The following GABRA3 variants were observed in gnomAD, a reference collection of about 807,000 sequenced individuals.
The protein encoded by GABRA3 is gamma-aminobutyric acid receptor subunit alpha-3.
Under a neutral mutation model 30.1 loss-of-function variants are expected in GABRA3, and 10 were observed. The observed-to-expected ratio is 0.33, with a 90% CI of 0.20 to 0.56. The LOEUF (loss-of-function observed/expected upper bound fraction) is 0.56. Among genes scored for constraint, GABRA3 ranks in the 20% least tolerant of loss-of-function variants. The pLI, the probability that GABRA3 is intolerant of heterozygous loss-of-function variation, is 0.89. For synonymous variants in GABRA3, 151 were observed against 146.8 expected, an observed-to-expected ratio of 1.03 and a Z score of -0.21; for missense variants, 233 against 392.0, an observed-to-expected ratio of 0.59 and a Z score of 3.42.
intron 7 of GABRA3, among the ~76,000 whole-genome samples, chrX:152,202,106 T>C (rs1937491714): frequency 9.0e-6 from 1 of 111,710 alleles, no homozygotes; most frequent in South Asian, 3.7e-4. Context: ...ATTTAATACA[T>C]GTTTGAATCT....
At chrX:152,347,656 T>C (rs1178686378) in intron 2 of GABRA3, among the ~76,000 whole-genome samples, 2 of 111,664 alleles carry the variant, frequency 1.8e-5, no homozygotes, top group African/African-American at 6.5e-5. Flanking sequence ...AAATCCTGAA[T>C]AGAAGGCCAA....
At chrX:152,263,487 T>C (rs760484800) in intron 4 of GABRA3, among the ~76,000 whole-genome samples, 26 of 110,002 alleles carry the variant, frequency 2.4e-4, no homozygotes, top group Non-Finnish European at 4.2e-4. Flanking sequence ...GAAGAAATAA[T>C]TATTGAGCCT....
intron 2 of GABRA3, among the ~76,000 whole-genome samples, chrX:152,352,614 GA>G (rs1940494866): frequency 9.0e-6 from 1 of 111,516 alleles, no homozygotes; most frequent in Non-Finnish European, 1.9e-5. Context: ...TCCCAAAGAG[GA>G]AAGATACTTA....
At chrX:152,407,080 G>C (rs1929955594) in intron 1 of GABRA3, among the ~76,000 whole-genome samples, 2 of 111,076 alleles carry the variant, frequency 1.8e-5, no homozygotes, top group Non-Finnish European at 3.8e-5. Flanking sequence ...AAAGCCTATG[G>C]GGCAATACAA....
chrX:152,169,153 C>T (rs1405481595), intron 9 of GABRA3, among the ~76,000 whole-genome samples: 4 of 112,245 alleles, frequency 3.6e-5, no homozygotes, highest in Non-Finnish European at 7.5e-5. Flanking sequence ...TCCAGAAGGC[C>T]GTGACCATCA....
At chrX:152,427,837 T>C (rs1401493531) in intron 1 of GABRA3, among the ~76,000 whole-genome samples, 2 of 111,619 alleles carry the variant, frequency 1.8e-5, no homozygotes, top group African/African-American at 6.5e-5. Context: ...AATTTGAATT[T>C]ATCTGAGTTC....
At chrX:152,235,097 C>T (rs183584329) in intron 5 of GABRA3, among the ~76,000 whole-genome samples, 2 of 111,933 alleles carry the variant, frequency 1.8e-5, no homozygotes, top group Admixed American at 1.9e-4. Flanking sequence ...TCTTCCAATG[C>T]ATAAGCCTGG....
At chrX:152,275,181 T>A (rs1271249408) in intron 4 of GABRA3, among the ~76,000 whole-genome samples, 4 of 75,341 alleles carry the variant, frequency 5.3e-5, no homozygotes, top group East Asian at 3.8e-4. Context: ...TTATATATAT[T>A]TAATATTATA....
At chrX:152,319,024 G>A (rs1225009237) in intron 3 of GABRA3, among the ~76,000 whole-genome samples, 3 of 111,391 alleles carry the variant, frequency 2.7e-5, no homozygotes, top group East Asian at 2.8e-4. Context: ...CATCAAAATC[G>A]GTAAAGAGGA....
At chrX:152,241,775 C>T (rs974079457) in intron 5 of GABRA3, among the ~76,000 whole-genome samples, 3 of 110,406 alleles carry the variant, frequency 2.7e-5, no homozygotes, top group South Asian at 8.0e-4. Flanking sequence ...TTTCCAGGTG[C>T]GTCCGTCACC....
At chrX:152,439,781 G>A (rs192219572) in intron 1 of GABRA3, among the ~76,000 whole-genome samples, 1 of 111,716 alleles carries the variant, frequency 9.0e-6, no homozygotes, top group East Asian at 2.8e-4. Context: ...GCAAAAACAT[G>A]GATGAATCCT....
rs747335971 is a variant in GABRA3 at position 152,270,258 on chromosome X, C to T, written c.331-14260G>A. ...CTGATGGTTTTATAAGAGGCTTTCC[C>T]CCCCTTTACTTGACACTTCTCTCTT... On this transcript the variant is annotated intron_variant, in intron 4 of 9. Transcript: ENST00000370314. Among the ~76,000 whole-genome samples, 23 of 111,110 alleles carry T rather than the reference C, an allele frequency of 2.1e-4. No individual in the cohort carries two copies. The East Asian group carries it at 6.6e-3, about 32-fold the overall frequency.
chrX:152,362,812 T>C (rs1928546025), intron 2 of GABRA3, among the ~76,000 whole-genome samples: 2 of 112,051 alleles, frequency 1.8e-5, no homozygotes, highest in African/African-American at 6.5e-5. Flanking sequence ...TCCAAGTTTC[T>C]GACTTGAGCA....
chrX:152,188,504 G>A (rs1037986654), intron 9 of GABRA3, among the ~76,000 whole-genome samples: 5 of 110,180 alleles, frequency 4.5e-5, no homozygotes, highest in African/African-American at 1.7e-4. Context: ...CTGGGTGGGG[G>A]GCTAACAGAC....
At chrX:152,272,153 G>C (rs914709602) in intron 4 of GABRA3, among the ~76,000 whole-genome samples, 4 of 111,680 alleles carry the variant, frequency 3.6e-5, no homozygotes, top group African/African-American at 9.8e-5. Context: ...CAGAATGGTA[G>C]ATCCATGGAC....
At chrX:152,199,645 C>T (rs1937452544) in intron 7 of GABRA3, among the ~76,000 whole-genome samples, 1 of 111,095 alleles carries the variant, frequency 9.0e-6, no homozygotes. Flanking sequence ...ATATATTAGA[C>T]ATCACTACTT....
intron 1 of GABRA3, among the ~76,000 whole-genome samples, chrX:152,432,511 T>G (rs766549403): frequency 1.8e-5 from 2 of 110,942 alleles, no homozygotes; most frequent in Non-Finnish European, 3.8e-5. Context: ...GTTCAAAAAC[T>G]GAAGAAATTG....
intron 5 of GABRA3, among the ~76,000 whole-genome samples, chrX:152,235,856 T>C (rs1232666060): frequency 2.8e-5 from 3 of 108,406 alleles, no homozygotes; most frequent in Non-Finnish European, 5.7e-5. Context: ...TAGAAAGAAA[T>C]CATAAAATTT....
intron 6 of GABRA3, among the ~76,000 whole-genome samples, chrX:152,220,807 C>G (rs1313380069): frequency 3.6e-5 from 4 of 110,682 alleles, no homozygotes; most frequent in Non-Finnish European, 5.7e-5. Context: ...CTGACTAATG[C>G]AATCAGTCAC....
Sources: gnomAD v4.1 joint callset for allele counts (sites outside exome capture counted in the v4.1 genomes callset) on GRCh38, gnomAD v4.1.1 for gene constraint, MANE v1.5 for transcripts, NCBI Gene and HGNC (gene_info 2026-07-23, HGNC 2026-07-21) for gene names.